CPEB3: variants seen among roughly 807,000 people sequenced by gnomAD.
CPEB3 encodes the protein cytoplasmic polyadenylation element binding protein 3.
CPEB3 carries 20 observed loss-of-function variants against 67.2 expected under a neutral mutation model. The observed-to-expected ratio is 0.30, with a 90% CI of 0.21 to 0.43. The LOEUF (loss-of-function observed/expected upper bound fraction) is 0.43, where lower values mean the gene tolerates loss of function less well. Ranked by LOEUF, CPEB3 falls within the 20% of genes least tolerant of loss-of-function variation. CPEB3 has a pLI of 1.00. For missense variants in CPEB3, 746 were observed against 968.6 expected, an observed-to-expected ratio of 0.77 and a Z score of 3.05; for synonymous variants, 376 against 393.1, an observed-to-expected ratio of 0.96 and a Z score of 0.51.
rs761306247 is a variant in CPEB3 at position 92,240,164 on chromosome 10, G to A, written c.187C>T (p.Pro63Ser). 5.2e-6 allele frequency: 8 copies of A among 1,547,242 alleles called. No individual in the cohort carries two copies. The highest frequency in any genetic ancestry group is 2.4e-5 in the East Asian group (1 of 42,064). ...VPALSPAAAP[P>S]APNGPDKMQM... The stretch of plus-strand genomic sequence containing the variant: ...ATCTTGTCCGGGCCGTTGGGGGCCG[G>A]GGGGGCAGCGGCTGGGCTGAGGGCC... The change falls in exon 2 of 10, where the codon CCG becomes TCG. Residue 63 changes from proline to serine, a missense_variant. This residue lies in a region of CPEB3 where 643 missense variants were observed against 717.5 expected (regional missense o/e 0.90). Coordinates refer to ENST00000265997, the MANE Select transcript of CPEB3 (RefSeq NM_014912.5).
At chr10:92,257,622 A>C (rs1852575709) in intron 1 of CPEB3, among the ~76,000 whole-genome samples, 1 of 152,164 alleles carries the variant, frequency 6.6e-6, no homozygotes, top group African/African-American at 2.4e-5. Context: ...GCAGCAGTGT[A>C]TACTTCCACT....
At chr10:92,120,196 G>A (rs1460987450) in intron 6 of CPEB3, among the ~76,000 whole-genome samples, 1 of 151,778 alleles carries the variant, frequency 6.6e-6, no homozygotes, top group Non-Finnish European at 1.5e-5. Flanking sequence ...CAGATCACGA[G>A]GTCAGGAGAT....
At chr10:92,274,556 TG>T (rs1483812028) in intron 1 of CPEB3, among the ~76,000 whole-genome samples, 7 of 152,122 alleles carry the variant, frequency 4.6e-5, no homozygotes, top group Non-Finnish European at 1.0e-4. Flanking sequence ...AATGTCGTTC[TG>T]GGGCCAGGCA....
At chr10:92,256,706 T>C (rs1009754067) in intron 1 of CPEB3, among the ~76,000 whole-genome samples, 8 of 152,212 alleles carry the variant, frequency 5.3e-5, no homozygotes, top group Non-Finnish European at 7.3e-5. Context: ...CTTCTACACG[T>C]ACTCTTCCCA....
intron 1 of CPEB3, among the ~76,000 whole-genome samples, chr10:92,286,022 G>A (rs1315150023): frequency 1.3e-5 from 2 of 150,522 alleles, no homozygotes; most frequent in South Asian, 2.1e-4. Context: ...TGCAAGCTCC[G>A]CCTCATGGAT....
At chr10:92,062,769 C>G (rs1210416481) in intron 9 of CPEB3, among the ~76,000 whole-genome samples, 1 of 152,200 alleles carries the variant, frequency 6.6e-6, no homozygotes, top group East Asian at 1.9e-4. Flanking sequence ...TATCATTAAC[C>G]TATGATACTT....
Position 92,081,465 on chromosome 10 carries a change from C to A in CPEB3, c.1724G>T (p.Gly575Val), listed in dbSNP as rs1455619533. 2 of 1,613,946 alleles carry A rather than the reference C, an allele frequency of 1.2e-6. No homozygotes were observed. The highest frequency in any genetic ancestry group is 1.7e-6 in the Non-Finnish European group (2 of 1,180,016). ...CGTATCAATGCCAGCATAGCAGACA[C>A]CACCGTACAAACGGTCCATGATCAT... The part of the protein sequence containing the change: ...LAMIMDRLYG[G>V]VCYAGIDTDP... The change falls in exon 9 of 10, where the codon GGT (glycine) becomes GTT (valine). Residue 575 changes from glycine to valine, a missense_variant. By Grantham distance (109) the Gly-to-Val change is moderately radical. This residue lies in a region of CPEB3 where 103 missense variants were observed against 251.1 expected (regional missense o/e 0.41). Coordinates refer to ENST00000265997, the MANE Select transcript of CPEB3 (RefSeq NM_014912.5).
intron 6 of CPEB3, chr10:92,118,866 A>G (rs1845178661): frequency 1.2e-6 from 1 of 806,824 alleles, no homozygotes; most frequent in Admixed American, 1.7e-5. Context: ...GCCATCTGCC[A>G]CCATGACACT....
At chr10:92,268,852 T>A (rs1032568456) in intron 1 of CPEB3, among the ~76,000 whole-genome samples, 1 of 152,218 alleles carries the variant, frequency 6.6e-6, no homozygotes, top group African/African-American at 2.4e-5. Flanking sequence ...GTTTCATAGG[T>A]TGAGTTCCTT....
At chr10:92,259,716 T>C (rs963302513) in intron 1 of CPEB3, among the ~76,000 whole-genome samples, 2 of 152,220 alleles carry the variant, frequency 1.3e-5, no homozygotes, top group African/African-American at 4.8e-5. Context: ...ACTCTAAGCT[T>C]CTTGAGGCCA....
At chr10:92,094,285 G>T (rs772098119) in intron 7 of CPEB3, among the ~76,000 whole-genome samples, 3 of 151,756 alleles carry the variant, frequency 2.0e-5, no homozygotes, top group African/African-American at 7.3e-5. Flanking sequence ...GTAGACATTC[G>T]CTCCACCTTT....
intron 6 of CPEB3, among the ~76,000 whole-genome samples, chr10:92,140,212 C>T (rs1048699913): frequency 2.6e-5 from 4 of 152,276 alleles, no homozygotes; most frequent in African/African-American, 4.8e-5. Context: ...GGAGGCATCA[C>T]ACTACCTGAC....
At chr10:92,217,938 C>CA (rs546596581) in intron 2 of CPEB3, among the ~76,000 whole-genome samples, 16 of 151,868 alleles carry the variant, frequency 1.1e-4, no homozygotes, top group African/African-American at 3.9e-4. Context: ...GCCAACATGG[C>CA]AAAACCCCGT....
intron 2 of CPEB3, among the ~76,000 whole-genome samples, chr10:92,234,926 C>T (rs902953069): frequency 6.6e-6 from 1 of 151,672 alleles, no homozygotes; most frequent in East Asian, 1.9e-4. Context: ...CTCCATCCCC[C>T]GAAAAAACAA....
chr10:92,272,547 C>T (rs192876890), intron 1 of CPEB3, among the ~76,000 whole-genome samples: 3 of 152,238 alleles, frequency 2.0e-5, no homozygotes, highest in Admixed American at 6.5e-5. Flanking sequence ...ATCTTCAATT[C>T]TAATCCAACA....
chr10:92,077,882 C>A (rs766612610), intron 9 of CPEB3, among the ~76,000 whole-genome samples: 7 of 151,934 alleles, frequency 4.6e-5, no homozygotes, highest in Non-Finnish European at 7.4e-5. Flanking sequence ...GAAGATGGAG[C>A]TGGTCCCTGA....
chr10:92,127,672 C>T (rs754895763), intron 6 of CPEB3, among the ~76,000 whole-genome samples: 3 of 152,180 alleles, frequency 2.0e-5, no homozygotes, highest in Non-Finnish European at 4.4e-5. Context: ...AAGCGAGACT[C>T]TGTCTCAAAA....
At chr10:92,086,354 G>A (rs1380381506) in intron 8 of CPEB3, among the ~76,000 whole-genome samples, 1 of 152,238 alleles carries the variant, frequency 6.6e-6, no homozygotes, top group African/African-American at 2.4e-5. Context: ...GTGCTCATAA[G>A]CTTCTGCTCT....
At chr10:92,227,386 C>T (rs1851028413) in intron 2 of CPEB3, among the ~76,000 whole-genome samples, 1 of 152,174 alleles carries the variant, frequency 6.6e-6, no homozygotes, top group African/African-American at 2.4e-5. Flanking sequence ...AATAATACAA[C>T]ACCCAAAAGC....
Sources: allele counts gnomAD v4.1 joint callset (sites outside exome capture counted in the v4.1 genomes callset), GRCh38; gene constraint gnomAD v4.1.1; regional missense constraint gnomAD v4.1.1; transcripts MANE v1.5; gene names NCBI Gene and HGNC (gene_info 2026-07-23, HGNC 2026-07-21).